The following TEC variants were observed in gnomAD, a reference collection of about 807,000 sequenced individuals.
TEC encodes the protein tyrosine-protein kinase Tec.
A neutral mutation model predicts 93.0 loss-of-function variants in TEC; 72 were observed. The ratio of observed to expected loss-of-function variants is 0.77; its 90% CI spans 0.64 to 0.94. The LOEUF is 0.94. TEC is among the 40% of genes least tolerant of loss of function. The pLI is 0.00. For missense variants in TEC, 630 were observed against 757.9 expected, an observed-to-expected ratio of 0.83 and a Z score of 1.98; for synonymous variants, 249 against 247.7, an observed-to-expected ratio of 1.01 and a Z score of -0.05.
intron 2 of TEC, among the ~76,000 whole-genome samples, chr4:48,179,570 GTA>G (rs1328620709): frequency 6.6e-6 from 1 of 151,052 alleles, no homozygotes; most frequent in Non-Finnish European, 1.5e-5. Context: ...TGTATTTTTA[GTA>G]GAGACAGGGT....
chr4:48,146,565 T>C (rs1719922841), intron 11 of TEC, among the ~76,000 whole-genome samples, 166 bp from the exon 12 acceptor site: 1 of 152,184 alleles, frequency 6.6e-6, no homozygotes, highest in African/African-American at 2.4e-5. Flanking sequence ...TCAACAAACA[T>C]TTTCTTTTAA....
chr4:48,179,350 ATATATATATATATATATATATATATAT>A lies in TEC; in HGVS notation c.139-3191_139-3165del, dbSNP rs1386590409. On this transcript the variant is annotated intron_variant, in intron 2 of 17. Coordinates refer to ENST00000381501, the MANE Select transcript of TEC (RefSeq NM_003215.3). Reference sequence around the variant, plus strand: ...AATGACGTGGGTAGTATATATATATATATATATATATATATATATATATATATTTTTTTTTTTTTTTTTTTTTTTTCA... The same window carrying A: ...AATGACGTGGGTAGTATATATATATATTTTTTTTTTTTTTTTTTTTTTTCA... 5.5e-4 allele frequency among the ~76,000 whole-genome samples: 15 copies of A among 27,308 alleles called. 3 individuals are homozygous for A. In the South Asian group the frequency reaches 0.013, roughly 23 times the overall value. The allele number at this position is 27,308 out of a possible 152,430, so 17.9% of individuals were successfully genotyped here.
intron 1 of TEC, among the ~76,000 whole-genome samples, chr4:48,266,960 T>C (rs973512189): frequency 1.3e-5 from 2 of 152,148 alleles, no homozygotes; most frequent in Admixed American, 6.6e-5. Context: ...TGTACTTGCG[T>C]TGGGGGTTGG....
intron 8 of TEC, among the ~76,000 whole-genome samples, chr4:48,160,560 C>A (rs1324460768): frequency 6.6e-6 from 1 of 151,900 alleles, no homozygotes; most frequent in African/African-American, 2.4e-5. Flanking sequence ...AACCCTGTCT[C>A]TACTAAAAAT....
At chr4:48,178,356 T>C (rs560381180) in intron 2 of TEC, among the ~76,000 whole-genome samples, 2 of 152,356 alleles carry the variant, frequency 1.3e-5, no homozygotes, top group East Asian at 3.9e-4. Context: ...GCTAAGATTT[T>C]ACCCTTTTTG....
At chr4:48,175,680 G>A (rs2109554828) in intron 3 of TEC, among the ~76,000 whole-genome samples, 1 of 152,220 alleles carries the variant, frequency 6.6e-6, no homozygotes, top group Non-Finnish European at 1.5e-5. Context: ...ACATAAATGA[G>A]AATAATGAGA....
intron 2 of TEC, among the ~76,000 whole-genome samples, chr4:48,184,042 A>T (rs548170463): frequency 3.9e-5 from 6 of 152,166 alleles, no homozygotes; most frequent in African/African-American, 1.2e-4. Flanking sequence ...TTTTATTATT[A>T]AAAAAAAGAA....
intron 15 of TEC, among the ~76,000 whole-genome samples, chr4:48,139,751 TA>T (rs1719584150): frequency 6.6e-6 from 1 of 152,240 alleles, no homozygotes; most frequent in Non-Finnish European, 1.5e-5. Context: ...GGGCAGCACA[TA>T]TTTACAAAAG....
chr4:48,237,992 G>A (rs181533153), intron 1 of TEC, among the ~76,000 whole-genome samples: 14 of 152,264 alleles, frequency 9.2e-5, no homozygotes, highest in Admixed American at 4.6e-4. Flanking sequence ...ACCAAAATGC[G>A]TAGCTATTAT....
intron 3 of TEC, among the ~76,000 whole-genome samples, chr4:48,175,148 A>G (rs1341205624): frequency 6.6e-6 from 1 of 152,232 alleles, no homozygotes; most frequent in Non-Finnish European, 1.5e-5. Context: ...CCCTTCCTCC[A>G]TTTGTGATGT....
intron 2 of TEC, among the ~76,000 whole-genome samples, chr4:48,187,318 A>G (rs1435467847): frequency 6.6e-6 from 1 of 152,102 alleles, no homozygotes; most frequent in Non-Finnish European, 1.5e-5. Context: ...TCCTCTGTCT[A>G]GGAAAACCAG....
intron 2 of TEC, among the ~76,000 whole-genome samples, chr4:48,201,094 G>T: frequency 6.6e-6 from 1 of 152,168 alleles, no homozygotes; most frequent in East Asian, 1.9e-4. Flanking sequence ...GCACAGATGG[G>T]AGGAGAAAGA....
chr4:48,227,868 C>G (rs992255230), intron 2 of TEC, among the ~76,000 whole-genome samples: 3 of 152,104 alleles, frequency 2.0e-5, no homozygotes, highest in African/African-American at 7.2e-5. Context: ...CCTCATCTAG[C>G]AGTGGAAGGA....
chr4:48,177,856 T>C (rs1194790865), intron 2 of TEC, among the ~76,000 whole-genome samples: 3 of 152,170 alleles, frequency 2.0e-5, no homozygotes, highest in African/African-American at 7.2e-5. Flanking sequence ...TCTTTCCCTT[T>C]TACTCATTTC....
At chr4:48,181,213 C>T (rs1417019075) in intron 2 of TEC, among the ~76,000 whole-genome samples, 2 of 152,148 alleles carry the variant, frequency 1.3e-5, no homozygotes, top group South Asian at 2.1e-4. Context: ...CTCAGAAATG[C>T]TTAGCACTGT....
intron 1 of TEC, among the ~76,000 whole-genome samples, chr4:48,236,532 G>A (rs1031094014): frequency 1.3e-4 from 20 of 151,764 alleles, no homozygotes; most frequent in Admixed American, 1.1e-3. Flanking sequence ...TCCACCCGTC[G>A]CGGCCTCCCA....
intron 7 of TEC, among the ~76,000 whole-genome samples, chr4:48,167,235 T>C (rs1438044746): frequency 6.6e-6 from 1 of 152,104 alleles, no homozygotes; most frequent in Non-Finnish European, 1.5e-5. Flanking sequence ...CATATATATA[T>C]TTTATATATA....
At chr4:48,163,847 A>G (rs1201289549) in intron 7 of TEC, 80 bp from the exon 8 acceptor site, 3 of 768,554 alleles carry the variant, frequency 3.9e-6, no homozygotes, top group East Asian at 6.0e-5. Flanking sequence ...TGCCTTTTGA[A>G]ATAAAGCATG....
intron 1 of TEC, among the ~76,000 whole-genome samples, chr4:48,244,885 A>T (rs1273897046): frequency 6.6e-6 from 1 of 152,234 alleles, no homozygotes; most frequent in East Asian, 1.9e-4. Flanking sequence ...AAGATTAGAG[A>T]TCATTGGATT....
Sources: gnomAD v4.1 joint callset for allele counts (sites outside exome capture counted in the v4.1 genomes callset) on GRCh38, gnomAD v4.1.1 for gene constraint, MANE v1.5 for transcripts, NCBI Gene and HGNC (gene_info 2026-07-23, HGNC 2026-07-21) for gene names.